Variants in STYX observed in about 807,000 individuals in gnomAD.
The protein encoded by STYX is serine/threonine/tyrosine-interacting protein.
In STYX, 20 loss-of-function variants were observed where a neutral mutation model predicts 42.7. The ratio of observed to expected loss-of-function variants is 0.47; its 90% CI spans 0.33 to 0.68. The LOEUF (loss-of-function observed/expected upper bound fraction) is 0.68, where lower values mean the gene tolerates loss of function less well. Ranked by LOEUF, STYX falls within the 30% of genes least tolerant of loss-of-function variation. The probability of loss-of-function intolerance (pLI) is 0.02; values close to 1 mark genes in which losing one functional copy is unlikely to be tolerated. For synonymous variants in STYX, 78 were observed against 81.9 expected, an observed-to-expected ratio of 0.95 and a Z score of 0.26; for missense variants, 226 against 268.5, an observed-to-expected ratio of 0.84 and a Z score of 1.11.
chr14:52,742,797 A>ATT (rs752559919), intron 1 of STYX, among the ~76,000 whole-genome samples: 49 of 138,380 alleles, frequency 3.5e-4, no homozygotes, highest in African/African-American at 1.1e-3. Flanking sequence ...GAATCTTTTG[A>ATT]TTTTTTTTTT....
intron 1 of STYX, among the ~76,000 whole-genome samples, chr14:52,736,562 GTTTCCC>G (rs1343065151): frequency 1.3e-5 from 2 of 152,094 alleles, no homozygotes; most frequent in Non-Finnish European, 2.9e-5. Flanking sequence ...AACTTTCCAT[GTTTCCC>G]TTTCCATTTT....
chr14:52,757,136 A>C (rs1040383089), intron 5 of STYX, among the ~76,000 whole-genome samples, 183 bp from the exon 6 acceptor site: 15 of 152,190 alleles, frequency 9.9e-5, no homozygotes, highest in African/African-American at 2.4e-4. Flanking sequence ...GACTTAAATT[A>C]AATTTTGGCT....
In STYX at chr14:52,774,514, A is replaced by G. The variant is rs1347303971; in HGVS notation, c.*3408A>G. ...GTGCTCCGATAAGGGAATGCTAGAA[A>G]ATAGATGAGAAGTACTGAAAGACCT... On this transcript the variant is annotated 3_prime_UTR_variant, in exon 11 of 11. Coordinates refer to ENST00000354586, the MANE Select transcript of STYX (RefSeq NM_145251.4). 7 of 151,712 alleles carry G rather than the reference A, an allele frequency of 4.6e-5. No individual in the cohort carries two copies. The highest frequency in any genetic ancestry group is 1.7e-4 in the African/African-American group (7 of 41,108). 9.4% of individuals were successfully genotyped at this position (151,712 alleles called of 1,614,324 possible). A position where few individuals can be genotyped will look rare whatever the true frequency, so the allele number is the denominator to read the frequency against.
intron 2 of STYX, 83 bp from the exon 3 acceptor site, chr14:52,746,343 G>T: frequency 4.2e-6 from 4 of 957,484 alleles, no homozygotes; most frequent in South Asian, 1.6e-5. Context: ...CTTTTGATTT[G>T]GCCAAATAAG....
In STYX at chr14:52,730,486, G is replaced by T. The variant is rs762296332; in HGVS notation, c.12G>T (p.Val4=). The change falls in exon 1 of 11, where the codon GTG becomes GTT. Residue 4 remains valine (V), a synonymous_variant. Transcript: ENST00000354586. ...CGCGGGCCAGCACCATGGAGGACGT[G>T]AAGCTGGAGTTCCCTTCCCTTCCAC... The part of the protein sequence containing the change: MED[V]KLEFPSLPQC... 6.2e-7 allele frequency: 1 copy of T among 1,613,624 alleles called. No individual in the cohort carries two copies. The highest frequency in any genetic ancestry group is 1.3e-5 in the African/African-American group (1 of 74,908).
chr14:52,746,353 G>A, intron 2 of STYX, 73 bp from the exon 3 acceptor site: 2 of 1,135,308 alleles, frequency 1.8e-6, no homozygotes, highest in Middle Eastern at 2.3e-4. Flanking sequence ...GGCCAAATAA[G>A]GTTTGTCTTA....
chr14:52,733,415 C>A (rs2139874315), intron 1 of STYX, among the ~76,000 whole-genome samples: 1 of 152,068 alleles, frequency 6.6e-6, no homozygotes, highest in South Asian at 2.1e-4. Flanking sequence ...ACTGAATGTC[C>A]CATAATTCAA....
rs552155266 is a variant in STYX, at chr14:52,750,745, A to C, written c.207A>C (p.Ala69=). ...HIICIRQNIE[A]NFIKPNFQQL... ...TATGCATACGACAAAATATTGAAGCAAACTTTATTAAACCAAACTTTCAGC... is the reference window on the plus strand; with the variant it reads ...TATGCATACGACAAAATATTGAAGCCAACTTTATTAAACCAAACTTTCAGC... The change falls in exon 4 of 11, where the codon GCA becomes GCC. Residue 69 remains alanine (A), a synonymous_variant. Coordinates refer to ENST00000354586, the MANE Select transcript of STYX (RefSeq NM_145251.4). 1.8e-4 allele frequency: 284 copies of C among 1,593,786 alleles called. 4 individuals carry two copies. The South Asian group carries it at 3.1e-3, about 17-fold the overall frequency.
At position 52,763,245 on chromosome 14, in the gene STYX, T is replaced by A. The variant is rs186154246; in HGVS notation, c.504+3491T>A. Among the ~76,000 whole-genome samples, 95 of 152,320 alleles carry A rather than the reference T, an allele frequency of 6.2e-4. 1 individual carries two copies. The highest frequency in any genetic ancestry group is 4.6e-4 in the Admixed American group (7 of 15,288). Reference sequence around the variant, plus strand: ...CACTTTGGATGTATTTATGATCTTCTGTGTAATCATTGATTTCATAAGAGT... The same window carrying A: ...CACTTTGGATGTATTTATGATCTTCAGTGTAATCATTGATTTCATAAGAGT... On this transcript the variant is annotated intron_variant, in intron 9 of 10. Transcript: ENST00000354586.
intron 9 of STYX, among the ~76,000 whole-genome samples, chr14:52,761,864 G>A (rs1442996534): frequency 2.7e-5 from 4 of 149,404 alleles, no homozygotes; most frequent in Non-Finnish European, 4.4e-5. Flanking sequence ...GGCCAACATC[G>A]TGAAACCCTG....
At chr14:52,753,454 G>T (rs1425174060) in intron 4 of STYX, among the ~76,000 whole-genome samples, 1 of 152,086 alleles carries the variant, frequency 6.6e-6, no homozygotes, top group Non-Finnish European at 1.5e-5. Flanking sequence ...CAAAGCACTG[G>T]GATTTACAGG....
At chr14:52,754,168 G>T (rs1277426001) in intron 4 of STYX, among the ~76,000 whole-genome samples, 2 of 151,640 alleles carry the variant, frequency 1.3e-5, no homozygotes, top group East Asian at 1.9e-4. Context: ...GATTACAGGC[G>T]TGAGCCACTG....
At chr14:52,747,739 A>G (rs767570283) in intron 3 of STYX, among the ~76,000 whole-genome samples, 12 of 152,212 alleles carry the variant, frequency 7.9e-5, no homozygotes, top group African/African-American at 1.4e-4. Context: ...TTAAAGGTCT[A>G]TCTCCTCAAT....
intron 3 of STYX, among the ~76,000 whole-genome samples, chr14:52,748,386 G>T (rs111894236): frequency 1.3e-5 from 2 of 152,232 alleles, no homozygotes; most frequent in African/African-American, 4.8e-5. Context: ...ACACCACCAT[G>T]CCTGGCTTAA....
intron 10 of STYX, among the ~76,000 whole-genome samples, chr14:52,770,651 TATACAA>T (rs1882476856): frequency 1.3e-5 from 2 of 152,222 alleles, no homozygotes; most frequent in South Asian, 2.1e-4. Context: ...TACAAAAAAT[TATACAA>T]ATACAAGATT....
At chr14:52,736,282 C>T (rs1880946168) in intron 1 of STYX, among the ~76,000 whole-genome samples, 1 of 152,204 alleles carries the variant, frequency 6.6e-6, no homozygotes, top group African/African-American at 2.4e-5. Flanking sequence ...TCCTCATCCT[C>T]TAGACTGGTT....
At chr14:52,754,340 G>A (rs2139912302) in intron 4 of STYX, among the ~76,000 whole-genome samples, 1 of 151,204 alleles carries the variant, frequency 6.6e-6, no homozygotes, top group South Asian at 2.1e-4. Context: ...AGCCTTCCAA[G>A]TAGCTGGGAC....
Position 52,774,157 on chromosome 14 carries a change from C to G in STYX, c.*3051C>G, listed in dbSNP as rs1170297535. The G allele has an allele frequency of 6.6e-6, 1 of 152,118 alleles. No individual in the cohort carries two copies. Among genetic ancestry groups the G allele is most frequent in the African/African-American group, 2.4e-5 (1 of 41,434 alleles). 9.4% of individuals were successfully genotyped at this position (152,118 alleles called of 1,614,324 possible). A position where few individuals can be genotyped will look rare whatever the true frequency, so the allele number is the denominator to read the frequency against. On this transcript the variant is annotated 3_prime_UTR_variant, in exon 11 of 11. Coordinates refer to ENST00000354586, the MANE Select transcript of STYX (RefSeq NM_145251.4). ...TGATAGCTTTTGCTACCAACTCAACCACTTAACTTTTAGAGCAGTTTTGGG... is the reference window on the plus strand; with the variant it reads ...TGATAGCTTTTGCTACCAACTCAACGACTTAACTTTTAGAGCAGTTTTGGG...
intron 9 of STYX, among the ~76,000 whole-genome samples, chr14:52,765,621 A>G (rs929495790): frequency 3.9e-5 from 6 of 152,192 alleles, no homozygotes; most frequent in South Asian, 2.1e-4. Flanking sequence ...GCAGTCTCCA[A>G]CCTTTTTCAC....
Sources: allele counts gnomAD v4.1 joint callset (sites outside exome capture counted in the v4.1 genomes callset), GRCh38; gene constraint gnomAD v4.1.1; transcripts MANE v1.5; gene names NCBI Gene and HGNC (gene_info 2026-07-23, HGNC 2026-07-21).